Variants in HIP1 observed in about 807,000 individuals in gnomAD.
The protein encoded by HIP1 is huntingtin interacting protein 1.
A neutral mutation model predicts 147.6 loss-of-function variants in HIP1; 65 were observed. The ratio of observed to expected loss-of-function variants is 0.44; its 90% CI spans 0.36 to 0.54. HIP1 has a LOEUF of 0.54. Ranked by LOEUF, HIP1 falls within the 20% of genes least tolerant of loss-of-function variation. The probability of loss-of-function intolerance (pLI) is 0.00; values close to 1 mark genes in which losing one functional copy is unlikely to be tolerated. For synonymous variants in HIP1, 479 were observed against 504.0 expected, an observed-to-expected ratio of 0.95 and a Z score of 0.67; for missense variants, 1,061 against 1,299.6, an observed-to-expected ratio of 0.82 and a Z score of 2.82.
chr7:75,588,035 T>A (rs1174141055), intron 4 of HIP1, among the ~76,000 whole-genome samples: 1 of 151,886 alleles, frequency 6.6e-6, no homozygotes, highest in African/African-American at 2.4e-5. Flanking sequence ...TAAAGATAAA[T>A]AATAAAGTAA....
chr7:75,699,667 G>T (rs115694567), intron 1 of HIP1, among the ~76,000 whole-genome samples: 1 of 152,076 alleles, frequency 6.6e-6, no homozygotes. Flanking sequence ...TACTCACATC[G>T]TCCTCCTCTC....
Position 75,538,091 on chromosome 7 carries a change from A to T in HIP1, c.*81T>A. The T allele has an allele frequency of 8.5e-7, 1 of 1,182,436 alleles. No homozygotes were observed. The highest frequency in any genetic ancestry group is 1.7e-5 in the Admixed American group (1 of 59,308). 73.2% of individuals were successfully genotyped at this position (1,182,436 alleles called of 1,614,324 possible). A position where few individuals can be genotyped will look rare whatever the true frequency, so the allele number is the denominator to read the frequency against. ...TGTGGCTGCCCCTGGGACTCCAAGG[A>T]TTTGGCCTGTGGCTGGGGAAATAAC... is the stretch of plus-strand genomic sequence containing the variant. On this transcript the variant is annotated 3_prime_UTR_variant, in exon 31 of 31. Transcript: ENST00000336926.
chr7:75,675,594 TCTCC>T (rs797038466), intron 1 of HIP1, among the ~76,000 whole-genome samples: 39 of 151,986 alleles, frequency 2.6e-4, no homozygotes, highest in African/African-American at 7.0e-4. Context: ...TAATTCATCA[TCTCC>T]CTCTCTCTTT....
intron 7 of HIP1, among the ~76,000 whole-genome samples, chr7:75,578,139 G>A (rs146091596): frequency 1.3e-4 from 20 of 152,188 alleles, no homozygotes; most frequent in African/African-American, 2.6e-4. Flanking sequence ...CACCATCTCC[G>A]CTTACTCATG....
chr7:75,735,878 G>A (rs1186489557), intron 1 of HIP1, among the ~76,000 whole-genome samples: 2 of 151,546 alleles, frequency 1.3e-5, no homozygotes, highest in Non-Finnish European at 2.9e-5. Context: ...TGTAGAGATG[G>A]GGTCTTACTA....
chr7:75,631,476 G>A (rs1798218580), intron 1 of HIP1, among the ~76,000 whole-genome samples: 1 of 152,102 alleles, frequency 6.6e-6, no homozygotes. Context: ...ATGCAGACGA[G>A]CCTCCCTTAA....
At chr7:75,634,880 G>C (rs939250652) in intron 1 of HIP1, among the ~76,000 whole-genome samples, 5 of 138,116 alleles carry the variant, frequency 3.6e-5, no homozygotes, top group Non-Finnish European at 7.6e-5. Flanking sequence ...TTCGAGGCTA[G>C]AGTCAGCTAC....
Position 75,541,996 on chromosome 7 carries a change from C to G in HIP1, c.2891-16G>C. The G allele has an allele frequency of 1.9e-6, 3 of 1,611,482 alleles. No individual in the cohort carries two copies. Among genetic ancestry groups the G allele is most frequent in the Non-Finnish European group, 2.5e-6 (3 of 1,177,578 alleles). ...TCCATGTTGTCTGCAAGGATGGAAACAAGAAGGTCTCATCAAATTCTACCC... is the reference window on the plus strand; with the variant it reads ...TCCATGTTGTCTGCAAGGATGGAAAGAAGAAGGTCTCATCAAATTCTACCC... On this transcript the variant is annotated splice_polypyrimidine_tract_variant and intron_variant, in intron 28 of 30. Coordinates refer to ENST00000336926, the MANE Select transcript of HIP1 (RefSeq NM_005338.7).
chr7:75,579,465 TATTTTTAGTA>T (rs1554498221), intron 7 of HIP1, among the ~76,000 whole-genome samples: 2 of 152,108 alleles, frequency 1.3e-5, no homozygotes, highest in Non-Finnish European at 2.9e-5. Context: ...CTAATTTTTG[TATTTTTAGTA>T]GAGACAGGGT....
chr7:75,734,935 AC>A (rs1801970872), intron 1 of HIP1, among the ~76,000 whole-genome samples: 1 of 152,064 alleles, frequency 6.6e-6, no homozygotes, highest in Non-Finnish European at 1.5e-5. Context: ...TTATCCCATT[AC>A]CTAGTACCAC....
intron 19 of HIP1, among the ~76,000 whole-genome samples, chr7:75,555,188 G>A (rs946586850): frequency 8.5e-5 from 4 of 47,078 alleles, no homozygotes; most frequent in Non-Finnish European, 1.5e-4. Context: ...CTCAAAAAGC[G>A]GGGGGGCGGG....
At chr7:75,697,352 G>C (rs1221125024) in intron 1 of HIP1, among the ~76,000 whole-genome samples, 11 of 151,640 alleles carry the variant, frequency 7.3e-5, no homozygotes, top group Admixed American at 7.3e-4. Context: ...GATCTCTTGA[G>C]GCCAGGAATT....
intron 29 of HIP1, among the ~76,000 whole-genome samples, chr7:75,539,661 T>C (rs918174442): frequency 6.6e-6 from 1 of 152,162 alleles, no homozygotes; most frequent in Non-Finnish European, 1.5e-5. Flanking sequence ...TGCTGCATTG[T>C]GAATTCCTCT....
intron 1 of HIP1, among the ~76,000 whole-genome samples, chr7:75,681,281 C>T (rs542277577): frequency 6.6e-6 from 1 of 152,134 alleles, no homozygotes; most frequent in Non-Finnish European, 1.5e-5. Context: ...TTCTTGTCAA[C>T]CCTGCAGGCG....
At chr7:75,601,501 C>T (rs1796971455) in intron 1 of HIP1, among the ~76,000 whole-genome samples, 1 of 151,830 alleles carries the variant, frequency 6.6e-6, no homozygotes, top group Admixed American at 6.6e-5. Context: ...GAGGCTGAGG[C>T]AGGAGAATTG....
chr7:75,699,051 A>G (rs1324715043), intron 1 of HIP1, among the ~76,000 whole-genome samples: 8 of 152,038 alleles, frequency 5.3e-5, no homozygotes, highest in African/African-American at 1.9e-4. Flanking sequence ...TTACCTATTT[A>G]AAAAATGAAA....
chr7:75,566,031 T>C (rs587751448), intron 9 of HIP1, among the ~76,000 whole-genome samples: 1 of 149,616 alleles, frequency 6.7e-6, no homozygotes, highest in Non-Finnish European at 1.5e-5. Context: ...AGATCTTTTG[T>C]TTTTGTTTTT....
intron 1 of HIP1, among the ~76,000 whole-genome samples, chr7:75,716,526 T>C (rs1265518329): frequency 6.7e-6 from 1 of 149,742 alleles, no homozygotes; most frequent in African/African-American, 2.5e-5. Flanking sequence ...CTGGACTTTT[T>C]TTTTTTTTTT....
chr7:75,646,304 G>A (rs1303256848), intron 1 of HIP1, among the ~76,000 whole-genome samples: 2 of 152,076 alleles, frequency 1.3e-5, no homozygotes, highest in Non-Finnish European at 2.9e-5. Context: ...CCAGGCTGGC[G>A]TCGAACTCCT....
Sources: allele counts gnomAD v4.1 joint callset (sites outside exome capture counted in the v4.1 genomes callset), GRCh38; gene constraint gnomAD v4.1.1; transcripts MANE v1.5; gene names NCBI Gene and HGNC (gene_info 2026-07-23, HGNC 2026-07-21).